Variants in SLC8A1 observed in about 807,000 individuals in gnomAD.
SLC8A1 encodes solute carrier family 8 member A1.
Under a neutral mutation model 68.3 loss-of-function variants are expected in SLC8A1, and 18 were observed. The observed-to-expected ratio is 0.26, with a 90% CI of 0.18 to 0.39. The LOEUF (loss-of-function observed/expected upper bound fraction) is 0.39. SLC8A1 is among the 10% of genes least tolerant of loss of function. The probability of loss-of-function intolerance (pLI) is 1.00; values close to 1 mark genes in which losing one functional copy is unlikely to be tolerated. For synonymous variants in SLC8A1, 475 were observed against 415.5 expected, an observed-to-expected ratio of 1.14 and a Z score of -1.74; for missense variants, 985 against 1,156.7, an observed-to-expected ratio of 0.85 and a Z score of 2.15.
chr2:40,391,838 C>T (rs10168405), intron 2 of SLC8A1, among the ~76,000 whole-genome samples: 172 of 152,210 alleles, frequency 1.1e-3, no homozygotes, highest in African/African-American at 4.0e-3. Context: ...CAAAGTTCCA[C>T]ATTTTCAGGC....
intron 7 of SLC8A1, among the ~76,000 whole-genome samples, chr2:40,124,635 CTATT>C (rs1386413939): frequency 6.6e-6 from 1 of 152,018 alleles, no homozygotes; most frequent in African/African-American, 2.4e-5. Context: ...AGTCTACTAA[CTATT>C]TGGCCCAGCA....
At chr2:40,388,955 G>A (rs1251483685) in intron 2 of SLC8A1, among the ~76,000 whole-genome samples, 1 of 152,126 alleles carries the variant, frequency 6.6e-6, no homozygotes. Flanking sequence ...ATAACATAAT[G>A]AAGCTAAAGT....
exon 5 of SLC8A1, chr2:40,164,976 C>A: frequency 6.2e-7 from 1 of 1,613,814 alleles, no homozygotes. Context: ...TGCTTGTCAT[C>A]ATATTCGTCT....
chr2:40,155,644 A>T (rs2044334693), intron 6 of SLC8A1, among the ~76,000 whole-genome samples: 1 of 152,218 alleles, frequency 6.6e-6, no homozygotes, highest in Non-Finnish European at 1.5e-5. Context: ...CTTCAGGCTG[A>T]TAGTCAAGTG....
chr2:40,186,271 GGCA>G (rs1314720989), intron 2 of SLC8A1, among the ~76,000 whole-genome samples: 1 of 152,144 alleles, frequency 6.6e-6, no homozygotes, highest in African/African-American at 2.4e-5. Flanking sequence ...TTCTTTTGTT[GGCA>G]TTTATTTCTT....
chr2:40,202,385 T>C (rs181073825), intron 2 of SLC8A1, among the ~76,000 whole-genome samples: 1 of 151,966 alleles, frequency 6.6e-6, no homozygotes, highest in African/African-American at 2.4e-5. Flanking sequence ...CATCAGATTT[T>C]TTTCTGTAAA....
At chr2:40,477,723 AGT>A (rs375670094) in intron 1 of SLC8A1, among the ~76,000 whole-genome samples, 2 of 152,106 alleles carry the variant, frequency 1.3e-5, no homozygotes, top group African/African-American at 4.8e-5. Context: ...GAGTTATATG[AGT>A]GTGTGTGCCT....
chr2:40,409,230 C>T (rs1483903176), intron 2 of SLC8A1, among the ~76,000 whole-genome samples: 2 of 152,082 alleles, frequency 1.3e-5, no homozygotes, highest in Non-Finnish European at 2.9e-5. Context: ...ACTAAAATAC[C>T]CCTGTAAGTT....
chr2:40,361,260 G>A (rs1384810957), intron 2 of SLC8A1, among the ~76,000 whole-genome samples: 1 of 152,126 alleles, frequency 6.6e-6, no homozygotes, highest in African/African-American at 2.4e-5. Flanking sequence ...GAACAGGATG[G>A]TTACAACCAG....
At chr2:40,430,356 G>C in intron 1 of SLC8A1, 52 bp from the exon 2 acceptor site, 1 of 1,490,530 alleles carries the variant, frequency 6.7e-7, no homozygotes, top group Non-Finnish European at 9.0e-7. Context: ...TGTCATTAGA[G>C]CTGCAGCCAA....
intron 2 of SLC8A1, among the ~76,000 whole-genome samples, chr2:40,264,434 A>G (rs1277480265): frequency 6.6e-6 from 1 of 152,146 alleles, no homozygotes; most frequent in Non-Finnish European, 1.5e-5. Context: ...ACAATAGCAA[A>G]GACTTGGAAC....
intron 2 of SLC8A1, among the ~76,000 whole-genome samples, chr2:40,388,506 G>A (rs913780750): frequency 2.6e-5 from 4 of 152,096 alleles, no homozygotes; most frequent in Non-Finnish European, 5.9e-5. Flanking sequence ...CATTTAAAAC[G>A]TTAGGCTCAT....
At position 40,164,899 on chromosome 2, in the gene SLC8A1, C is replaced by A. The variant is rs898704683; in HGVS notation, c.2016G>T (p.Glu672Asp). 4 of 1,613,974 alleles carry A rather than the reference C, an allele frequency of 2.5e-6. No homozygotes were observed. In the African/African-American group the frequency reaches 5.3e-5, roughly 22 times the overall value. Reference sequence around the variant, plus strand: ...CAATGATCACTTCCAACTTGGTGTGCTCTCCCAGGATGGGGCGCCCCATTT... The same window carrying A: ...CAATGATCACTTCCAACTTGGTGTGATCTCCCAGGATGGGGCGCCCCATTT... Residue 672 changes from glutamate (E) to aspartate (D), a missense_variant, in exon 5 of 8, where the codon GAG becomes GAT. This residue lies in a region of SLC8A1 where 584 missense variants were observed against 565.9 expected (regional missense o/e 1.03). Coordinates refer to ENST00000406785, the Ensembl canonical transcript of SLC8A1.
At chr2:40,269,224 C>G (rs1288684099) in intron 2 of SLC8A1, among the ~76,000 whole-genome samples, 1 of 152,118 alleles carries the variant, frequency 6.6e-6, no homozygotes, top group African/African-American at 2.4e-5. Context: ...CTTATTTTAA[C>G]TTTATAATAA....
At chr2:40,174,600 A>C in intron 4 of SLC8A1, 106 bp downstream of exon 6, 2 of 1,023,916 alleles carry the variant, frequency 2.0e-6, no homozygotes, top group Non-Finnish European at 2.9e-6. Flanking sequence ...AGAGCACACC[A>C]TGTGCCACAG....
chr2:40,226,812 A>G (rs2059038369), intron 2 of SLC8A1, among the ~76,000 whole-genome samples: 1 of 152,164 alleles, frequency 6.6e-6, no homozygotes, highest in Admixed American at 6.5e-5. Context: ...AAATTAGTTA[A>G]TGGAAGTGCC....
intron 1 of SLC8A1, among the ~76,000 whole-genome samples, chr2:40,479,600 G>A (rs890412409): frequency 5.3e-5 from 8 of 152,076 alleles, no homozygotes; most frequent in African/African-American, 1.9e-4. Context: ...ATCTTGATTA[G>A]AAAGAGAAAA....
chr2:40,447,391 G>A (rs1701638895), intron 1 of SLC8A1, among the ~76,000 whole-genome samples: 1 of 151,908 alleles, frequency 6.6e-6, no homozygotes, highest in African/African-American at 2.4e-5. Flanking sequence ...CCTTTGTCTG[G>A]CTACTCTCTA....
intron 2 of SLC8A1, among the ~76,000 whole-genome samples, chr2:40,333,203 C>T (rs955429821): frequency 6.6e-6 from 1 of 151,846 alleles, no homozygotes; most frequent in African/African-American, 2.4e-5. Context: ...CTTTGGGAGG[C>T]CAAGGCGGGC....
Sources: allele counts gnomAD v4.1 joint callset (sites outside exome capture counted in the v4.1 genomes callset), GRCh38; gene constraint gnomAD v4.1.1; regional missense constraint gnomAD v4.1.1; transcripts MANE v1.5; gene names NCBI Gene and HGNC (gene_info 2026-07-23, HGNC 2026-07-21).